Variants in EYS observed in about 807,000 individuals in gnomAD.
EYS encodes the protein protein eyes shut homolog.
A neutral mutation model predicts 282.1 loss-of-function variants in EYS; 250 were observed. The ratio of observed to expected loss-of-function variants is 0.89; its 90% CI spans 0.80 to 0.98. The LOEUF (loss-of-function observed/expected upper bound fraction) is 0.98, where lower values mean the gene tolerates loss of function less well. EYS is among the 50% of genes least tolerant of loss of function. The pLI is 0.00. For synonymous variants in EYS, 1,355 were observed against 1,282.9 expected (o/e 1.06, Z -1.20); for missense variants, 4,016 against 3,709.0 (o/e 1.08, Z -2.15).
chr6:65,339,179 A>G (rs930112372), intron 10 of EYS, among the ~76,000 whole-genome samples: 11 of 151,220 alleles, frequency 7.3e-5, no homozygotes, highest in African/African-American at 2.2e-4. Flanking sequence ...TTAAAATAAT[A>G]TCTGTCAAGG....
Position 64,590,279 on chromosome 6 carries a change from G to A in EYS, c.5588C>T (p.Ser1863Phe), listed in dbSNP as rs1333766427. The change falls in exon 26 of 43, where the codon TCT becomes TTT. Residue 1863 changes from serine (S) to phenylalanine (F), a missense_variant. Physicochemically the swap from Ser to Phe is radical, Grantham distance 155. Coordinates refer to ENST00000503581, the MANE Select transcript of EYS (RefSeq NM_001142800.2). ...GGATTCCAGTGAAGACAAAGTAAGA[G>A]ATCTAGTGAAGGGAAGATGCCGGCT... is the stretch of plus-strand genomic sequence containing the variant. ...TASRHLPFTR[S>F]LTLSSLESIL... The A allele has an allele frequency of 6.4e-7, 1 of 1,551,040 alleles. No individual in the cohort carries two copies. Among genetic ancestry groups the A allele is most frequent in the African/African-American group, 1.4e-5 (1 of 73,136 alleles).
chr6:64,341,695 C>T (rs190251369), intron 29 of EYS, among the ~76,000 whole-genome samples: 134 of 151,788 alleles, frequency 8.8e-4, no homozygotes, highest in Non-Finnish European at 1.6e-3. Flanking sequence ...TAAAAAATGA[C>T]TGCATGTCAT....
intron 19 of EYS, among the ~76,000 whole-genome samples, chr6:64,861,767 C>A (rs927273485): frequency 6.6e-6 from 1 of 152,216 alleles, no homozygotes; most frequent in East Asian, 1.9e-4. Flanking sequence ...CACTTATCCA[C>A]AATGTACATA....
intron 29 of EYS, among the ~76,000 whole-genome samples, chr6:64,314,324 GA>G (rs1769849257): frequency 6.6e-6 from 1 of 151,496 alleles, no homozygotes; most frequent in South Asian, 2.1e-4. Context: ...AATGCAACAG[GA>G]AGAGCTAACT....
chr6:64,926,171 C>T lies in EYS; in HGVS notation c.2382-13428G>A, dbSNP rs148869507. 5.2e-3 allele frequency among the ~76,000 whole-genome samples: 791 copies of T among 152,316 alleles called. 9 individuals carry two copies. Among genetic ancestry groups the T allele is most frequent in the African/African-American group, 0.018 (747 of 41,578 alleles). ...AAACTTTCTGCTGGGGTCAAAACCA[C>T]ACCCACTCATGTCCTCTGAAGAGGG... On this transcript the variant is annotated intron_variant, in intron 15 of 42. Transcript: ENST00000503581.
At chr6:64,140,192 A>G (rs985392743) in intron 31 of EYS, among the ~76,000 whole-genome samples, 3 of 152,166 alleles carry the variant, frequency 2.0e-5, no homozygotes, top group Non-Finnish European at 4.4e-5. Flanking sequence ...GTAACCCCCC[A>G]TCTATTTTGT....
At chr6:65,597,120 T>C (rs1001006783) in intron 2 of EYS, among the ~76,000 whole-genome samples, 2 of 152,096 alleles carry the variant, frequency 1.3e-5, no homozygotes, top group African/African-American at 4.8e-5. Flanking sequence ...TATAAGCAGT[T>C]ATAATATTTT....
At chr6:64,151,113 A>G (rs551297450) in intron 31 of EYS, among the ~76,000 whole-genome samples, 128 of 151,642 alleles carry the variant, frequency 8.4e-4, no homozygotes, top group Non-Finnish European at 1.1e-3. Context: ...AAACTTTTCA[A>G]TAAGAAATAG....
intron 31 of EYS, among the ~76,000 whole-genome samples, chr6:64,194,000 CT>C (rs1349063335): frequency 6.6e-6 from 1 of 151,974 alleles, no homozygotes; most frequent in African/African-American, 2.4e-5. Context: ...ATTTATAATC[CT>C]TTGGGTAGAT....
chr6:64,561,726 A>T (rs575951943), intron 26 of EYS, among the ~76,000 whole-genome samples: 1 of 152,032 alleles, frequency 6.6e-6, no homozygotes, highest in Non-Finnish European at 1.5e-5. Flanking sequence ...GTAAGAATCA[A>T]TATCATTAAA....
intron 5 of EYS, among the ~76,000 whole-genome samples, chr6:65,446,902 A>G (rs1343807661): frequency 6.6e-6 from 1 of 151,812 alleles, no homozygotes; most frequent in South Asian, 2.1e-4. Flanking sequence ...AGAAAAACAG[A>G]AGGCACAGAA....
chr6:64,239,683 A>G (rs1766731859), intron 30 of EYS, among the ~76,000 whole-genome samples: 1 of 150,976 alleles, frequency 6.6e-6, no homozygotes, highest in South Asian at 2.1e-4. Context: ...GATTGTAAAC[A>G]TTTTCTCCCA....
chr6:65,609,303 A>G lies in EYS; in HGVS notation c.-333+30475T>C, dbSNP rs556931067. ...GTCCATCCTTGACTGAAACAACTTT[A>G]CCTGGTGTACAACTGTACGTATCCA... On this transcript the variant is annotated intron_variant, in intron 2 of 42. Transcript: ENST00000503581. Among the ~76,000 whole-genome samples, 179 of 148,366 alleles carry G rather than the reference A, an allele frequency of 1.2e-3. 1 individual carries two copies. Among genetic ancestry groups the G allele is most frequent in the African/African-American group, 3.8e-3 (151 of 40,044 alleles).
intron 12 of EYS, among the ~76,000 whole-genome samples, chr6:65,198,136 T>G (rs1765813983): frequency 6.6e-6 from 1 of 152,088 alleles, no homozygotes. Flanking sequence ...TGTTGATAAC[T>G]AAGACAGAAA....
chr6:64,014,173 C>T (rs553273300), intron 33 of EYS, among the ~76,000 whole-genome samples: 1 of 151,822 alleles, frequency 6.6e-6, no homozygotes, highest in African/African-American at 2.4e-5. Context: ...TATGGAAAAA[C>T]TCAATTAGGT....
intron 11 of EYS, chr6:65,331,194 T>A: frequency 1.3e-6 from 1 of 781,004 alleles, no homozygotes; most frequent in Non-Finnish European, 1.6e-6. Flanking sequence ...ACTTGCAATA[T>A]TTTTACTATT....
chr6:64,782,160 G>A (rs934827931), intron 22 of EYS, among the ~76,000 whole-genome samples: 1 of 152,192 alleles, frequency 6.6e-6, no homozygotes, highest in Non-Finnish European at 1.5e-5. Flanking sequence ...GTTTTAACAA[G>A]AATGTTGTAG....
chr6:65,195,164 G>A (rs944931153), intron 12 of EYS, among the ~76,000 whole-genome samples: 33 of 151,994 alleles, frequency 2.2e-4, no homozygotes, highest in Admixed American at 2.2e-3. Flanking sequence ...TAATTGGAAT[G>A]GATTTTAAAA....
At chr6:63,926,854 G>T (rs150688267) in intron 35 of EYS, among the ~76,000 whole-genome samples, 11 of 152,122 alleles carry the variant, frequency 7.2e-5, no homozygotes, top group African/African-American at 2.7e-4. Context: ...TTGGGTAAAG[G>T]CTGTACTTTG....
Sources: allele counts gnomAD v4.1 joint callset (sites outside exome capture counted in the v4.1 genomes callset), GRCh38; gene constraint gnomAD v4.1.1; transcripts MANE v1.5; gene names NCBI Gene and HGNC (gene_info 2026-07-23, HGNC 2026-07-21).